The following GLIS1 variants were observed in gnomAD, a reference collection of about 807,000 sequenced individuals.
GLIS1 encodes the protein GLIS family zinc finger 1, also known as zinc finger protein GLIS1.
Under a neutral mutation model 63.8 loss-of-function variants are expected in GLIS1, and 24 were observed. The observed-to-expected ratio is 0.38, with a 90% CI of 0.27 to 0.53. GLIS1 has a LOEUF of 0.53. Ranked by LOEUF, GLIS1 falls within the 20% of genes least tolerant of loss-of-function variation. The pLI is 0.85. For synonymous variants in GLIS1, 450 were observed against 482.5 expected (o/e 0.93, Z 0.88); for missense variants, 1,036 against 1,074.1 (o/e 0.96, Z 0.50).
chr1:53,679,162 C>A (rs1042716987), intron 2 of GLIS1, among the ~76,000 whole-genome samples: 7 of 152,128 alleles, frequency 4.6e-5, no homozygotes, highest in African/African-American at 1.7e-4. Context: ...CTCCAGGCCA[C>A]CCTGGACCTC....
chr1:53,684,886 C>A (rs540120467), intron 2 of GLIS1, among the ~76,000 whole-genome samples: 1 of 152,298 alleles, frequency 6.6e-6, no homozygotes, highest in African/African-American at 2.4e-5. Context: ...CTGCCCAGAT[C>A]AGTGAATCCA....
chr1:53,659,873 C>A (rs1384154573), intron 2 of GLIS1, among the ~76,000 whole-genome samples: 1 of 152,220 alleles, frequency 6.6e-6, no homozygotes, highest in Non-Finnish European at 1.5e-5. Flanking sequence ...TCCCATTGTG[C>A]TTCAAGGGCT....
chr1:53,543,423 A>G (rs1412494055), intron 4 of GLIS1, among the ~76,000 whole-genome samples: 2 of 152,218 alleles, frequency 1.3e-5, no homozygotes, highest in East Asian at 1.9e-4. Flanking sequence ...AGAGGCTCCC[A>G]GAGGGCCTGA....
chr1:53,617,537 A>G (rs763936399), intron 2 of GLIS1, among the ~76,000 whole-genome samples: 1 of 152,180 alleles, frequency 6.6e-6, no homozygotes, highest in Admixed American at 6.5e-5. Context: ...CGGCCACGCT[A>G]CTTGTGACAT....
chr1:53,611,511 A>C (rs1645424627), intron 2 of GLIS1, among the ~76,000 whole-genome samples: 1 of 152,218 alleles, frequency 6.6e-6, no homozygotes, highest in Non-Finnish European at 1.5e-5. Flanking sequence ...TTTTGACAGA[A>C]TGCTCAATAT....
intron 4 of GLIS1, among the ~76,000 whole-genome samples, chr1:53,592,240 G>A (rs528220547): frequency 4.6e-5 from 7 of 152,308 alleles, no homozygotes; most frequent in African/African-American, 1.7e-4. Flanking sequence ...AAAGTGGGCG[G>A]GGAAGGGCTA....
intron 2 of GLIS1, among the ~76,000 whole-genome samples, chr1:53,643,026 G>C (rs773650872): frequency 6.6e-6 from 1 of 152,182 alleles, no homozygotes; most frequent in Non-Finnish European, 1.5e-5. Flanking sequence ...ACAGTCTGAG[G>C]CCTGCAGACT....
chr1:53,679,956 C>G (rs570111627), intron 2 of GLIS1, among the ~76,000 whole-genome samples: 10 of 152,282 alleles, frequency 6.6e-5, no homozygotes, highest in African/African-American at 2.4e-4. Context: ...CTGTGGCACC[C>G]AGGGTGCCCC....
intron 4 of GLIS1, among the ~76,000 whole-genome samples, chr1:53,589,117 T>C (rs545743964): frequency 1.1e-4 from 16 of 152,228 alleles, no homozygotes; most frequent in Non-Finnish European, 1.6e-4. Flanking sequence ...CGGAGGTTTT[T>C]GTTTTTGAGA....
At chr1:53,508,446 T>G (rs1337170929) in intron 10 of GLIS1, among the ~76,000 whole-genome samples, 2 of 152,188 alleles carry the variant, frequency 1.3e-5, no homozygotes, top group African/African-American at 4.8e-5. Flanking sequence ...GGAAACCTCC[T>G]GTTAGACCTG....
rs572714106 is a variant in GLIS1, at chr1:53,567,258, G to A, written c.1320+26850C>T. Among the ~76,000 whole-genome samples, 7 of 152,284 alleles carry A rather than the reference G, an allele frequency of 4.6e-5. No homozygotes were observed. In the East Asian group the frequency reaches 1.4e-3, roughly 29 times the overall value. On this transcript the variant is annotated intron_variant, in intron 4 of 10. Coordinates refer to ENST00000628545, the MANE Select transcript of GLIS1 (RefSeq NM_001367484.1). ...TTGTTCCCCTGCTCTAGGGATCTGT[G>A]GAACTTTGAATTTGAAAGAGATGAT... is the stretch of plus-strand genomic sequence containing the variant.
intron 2 of GLIS1, among the ~76,000 whole-genome samples, chr1:53,723,891 G>GA (rs1458385094): frequency 3.9e-5 from 6 of 152,142 alleles, no homozygotes; most frequent in Non-Finnish European, 8.8e-5. Context: ...TGCCATTCCC[G>GA]TTTAAGCTGC....
chr1:53,684,726 C>A (rs1435463799), intron 2 of GLIS1, among the ~76,000 whole-genome samples: 1 of 152,238 alleles, frequency 6.6e-6, no homozygotes, highest in Non-Finnish European at 1.5e-5. Flanking sequence ...GCTCCCACAC[C>A]AGCCTGGTGG....
In GLIS1 at chr1:53,564,769, A is replaced by G. The variant is rs1051710683; in HGVS notation, c.1320+29339T>C. Reference sequence around the variant, plus strand: ...TTAGGGATAGATTGATTATCTAATAATAAAAGTTTTCATTTTATAGAAACC... The same window carrying G: ...TTAGGGATAGATTGATTATCTAATAGTAAAAGTTTTCATTTTATAGAAACC... On this transcript the variant is annotated intron_variant, in intron 4 of 10. Coordinates refer to ENST00000628545, the MANE Select transcript of GLIS1 (RefSeq NM_001367484.1). Among the ~76,000 whole-genome samples, 10 of 152,244 alleles carry G rather than the reference A, an allele frequency of 6.6e-5. No individual in the cohort carries two copies. In the East Asian group the frequency reaches 1.3e-3, roughly 21 times the overall value.
intron 2 of GLIS1, among the ~76,000 whole-genome samples, chr1:53,731,744 G>A (rs542238654): frequency 1.3e-5 from 2 of 152,250 alleles, no homozygotes; most frequent in Non-Finnish European, 2.9e-5. Context: ...CAGAACAGCC[G>A]CTCACTAAAG....
chr1:53,509,019 A>G (rs1644267183), intron 10 of GLIS1, 101 bp downstream of exon 10: 1 of 1,221,700 alleles, frequency 8.2e-7, no homozygotes, highest in Non-Finnish European at 1.1e-6. Context: ...GCCCCACCAC[A>G]TAAGCATCCA....
At chr1:53,648,724 G>A (rs976663155) in intron 2 of GLIS1, among the ~76,000 whole-genome samples, 7 of 152,112 alleles carry the variant, frequency 4.6e-5, no homozygotes, top group African/African-American at 9.7e-5. Flanking sequence ...GAAAAAAATC[G>A]GACACGAGAG....
chr1:53,693,328 C>T (rs1369662223), intron 2 of GLIS1, among the ~76,000 whole-genome samples: 1 of 151,446 alleles, frequency 6.6e-6, no homozygotes, highest in Non-Finnish European at 1.5e-5. Context: ...CTGGAGGCCA[C>T]CAATATGGCC....
In GLIS1 at chr1:53,539,879, G is replaced by A. The variant is rs867921104; in HGVS notation, c.1321-9927C>T. ...TGGGGACAGCATGCATAGCCTGAGA[G>A]ATCTCCACTGACCTCTCTAGCCCAA... On this transcript the variant is annotated intron_variant, in intron 4 of 10. Transcript: ENST00000628545. The surrounding 1 kb of genome is among the most constrained non-coding windows in gnomAD (Gnocchi z 5.0). 2.0e-5 allele frequency among the ~76,000 whole-genome samples: 3 copies of A among 152,120 alleles called. No individual in the cohort carries two copies. The highest frequency in any genetic ancestry group is 2.1e-4 in the South Asian group (1 of 4,822).
Sources: allele counts gnomAD v4.1 joint callset (sites outside exome capture counted in the v4.1 genomes callset), GRCh38; gene constraint gnomAD v4.1.1; non-coding constraint Gnocchi (gnomAD v3.1); transcripts MANE v1.5; gene names NCBI Gene and HGNC (gene_info 2026-07-23, HGNC 2026-07-21).